The following ITSN1 variants were observed in gnomAD, a reference collection of about 807,000 sequenced individuals.
ITSN1 encodes intersectin-1.
A neutral mutation model predicts 239.8 loss-of-function variants in ITSN1; 58 were observed. The observed-to-expected ratio is 0.24, with a 90% confidence interval of 0.20 to 0.30. The LOEUF is 0.30. Among genes scored for constraint, ITSN1 ranks in the 10% least tolerant of loss-of-function variants. The probability of loss-of-function intolerance (pLI) is 1.00; values close to 1 mark genes in which losing one functional copy is unlikely to be tolerated. For synonymous variants in ITSN1, 780 were observed against 770.8 expected, an observed-to-expected ratio of 1.01 and a Z score of -0.20; for missense variants, 1,558 against 2,103.3, an observed-to-expected ratio of 0.74 and a Z score of 5.07.
chr21:33,827,323 C>G (rs1394919207), intron 26 of ITSN1, among the ~76,000 whole-genome samples: 2 of 152,076 alleles, frequency 1.3e-5, no homozygotes. Context: ...TCACTTGAAC[C>G]CGGGAGGCCA....
rs1225877283 is a variant in ITSN1 at position 33,882,217 on chromosome 21, C to CT, written c.4342-23dup. ...GATGCGGAGAAACAAAAATGCTACA[C>CT]TTTGGGTTTTGTTTTCCTTTCTCAG... On this transcript the variant is annotated intron_variant, in intron 34 of 39. Coordinates refer to ENST00000381318, the MANE Select transcript of ITSN1 (RefSeq NM_003024.3). This position sits in a 1 kb window ranked among gnomAD's most constrained non-coding sequence, Gnocchi z 4.5. 4 of 1,604,808 alleles carry CT rather than the reference C, an allele frequency of 2.5e-6. No individual in the cohort carries two copies. The highest frequency in any genetic ancestry group is 2.6e-6 in the Non-Finnish European group (3 of 1,173,466).
rs142260096 is a variant in ITSN1 at position 33,808,327 on chromosome 21, G to C, written c.2320-2648G>C. ...TGGCCTGGCACGGTGGCTCACGCCT[G>C]TAATCCCAGAACTTTGGGAGGCCTA... is the stretch of plus-strand genomic sequence containing the variant. On this transcript the variant is annotated intron_variant, in intron 20 of 39. Transcript: ENST00000381318. Among the ~76,000 whole-genome samples, 1,090 of 152,294 alleles carry C rather than the reference G, an allele frequency of 7.2e-3. 13 individuals are homozygous for C. The highest frequency in any genetic ancestry group is 0.025 in the African/African-American group (1,042 of 41,566).
chr21:33,690,738 G>A (rs2091470433), intron 1 of ITSN1, among the ~76,000 whole-genome samples: 3 of 122,000 alleles, frequency 2.5e-5, no homozygotes, highest in Non-Finnish European at 3.3e-5. Context: ...TCCAGCCTGG[G>A]CAACAGAGCA....
intron 33 of ITSN1, among the ~76,000 whole-genome samples, chr21:33,874,578 A>T (rs1489250217): frequency 2.0e-5 from 3 of 151,824 alleles, no homozygotes; most frequent in Non-Finnish European, 2.9e-5. Context: ...TGGGCCTGGG[A>T]TGCCTGGGCT....
intron 1 of ITSN1, among the ~76,000 whole-genome samples, chr21:33,653,972 G>T (rs1361695504): frequency 2.0e-5 from 3 of 151,986 alleles, no homozygotes; most frequent in Admixed American, 1.3e-4. Context: ...TATTGGCATG[G>T]AACTTCTAAA....
chr21:33,725,044 A>G (rs1356815808), intron 4 of ITSN1, among the ~76,000 whole-genome samples: 1 of 148,444 alleles, frequency 6.7e-6, no homozygotes, highest in African/African-American at 2.5e-5. Flanking sequence ...CCAAGGTGGG[A>G]GCATCGCTTG....
chr21:33,739,263 A>G (rs1266349230), intron 5 of ITSN1, among the ~76,000 whole-genome samples: 1 of 152,208 alleles, frequency 6.6e-6, no homozygotes, highest in Non-Finnish European at 1.5e-5. Flanking sequence ...ATTGTAGGAA[A>G]TTCTATGGGT....
intron 8 of ITSN1, 140 bp downstream of exon 8, chr21:33,755,537 T>C (rs976201133): frequency 4.3e-5 from 25 of 582,580 alleles, no homozygotes; most frequent in Non-Finnish European, 6.9e-5. Context: ...TCTCATGTTC[T>C]TATCCACTGA....
Position 33,883,645 on chromosome 21 carries a change from T to C in ITSN1, c.4650T>C (p.Thr1550=). The C allele has an allele frequency of 6.2e-7, 1 of 1,613,488 alleles. No homozygotes were observed. The highest frequency in any genetic ancestry group is 8.5e-7 in the Non-Finnish European group (1 of 1,179,628). Reference sequence around the variant, plus strand: ...TCTCCCACATTGACCGCGTCTATACTCTCCGAGCAGAAAGCATAAATGAAA... The same window carrying C: ...TCTCCCACATTGACCGCGTCTATACCCTCCGAGCAGAAAGCATAAATGAAA... ...FHISHIDRVY[T]LRAESINERT... Residue 1550 remains threonine (T), a synonymous_variant, in exon 36 of 40, where the codon ACT becomes ACC. Coordinates refer to ENST00000381318, the MANE Select transcript of ITSN1 (RefSeq NM_003024.3).
chr21:33,855,104 AG>A (rs1433756842), intron 29 of ITSN1, among the ~76,000 whole-genome samples: 1 of 152,210 alleles, frequency 6.6e-6, no homozygotes, highest in Non-Finnish European at 1.5e-5. Flanking sequence ...AATTTGCAGA[AG>A]CTTTCAGCAT....
chr21:33,722,257 G>A (rs935558442), intron 3 of ITSN1, among the ~76,000 whole-genome samples: 4 of 152,140 alleles, frequency 2.6e-5, no homozygotes, highest in Non-Finnish European at 1.5e-5. Flanking sequence ...TGAAAGTATG[G>A]GTCATCAGTT....
At chr21:33,875,737 G>A (rs1010687744) in intron 34 of ITSN1, among the ~76,000 whole-genome samples, 2 of 152,206 alleles carry the variant, frequency 1.3e-5, no homozygotes, top group African/African-American at 4.8e-5. Context: ...TTGGAGTGCA[G>A]TGGCACCATC....
intron 1 of ITSN1, among the ~76,000 whole-genome samples, chr21:33,686,089 C>T (rs1248131638): frequency 6.6e-6 from 1 of 152,120 alleles, no homozygotes; most frequent in Non-Finnish European, 1.5e-5. Context: ...CTGTGGTATG[C>T]TCAAAGTGCT....
In ITSN1 at chr21:33,750,279, G is replaced by A. The variant is rs760779193; in HGVS notation, c.483G>A (p.Gly161=). 5 of 1,613,792 alleles carry A rather than the reference G, an allele frequency of 3.1e-6. No homozygotes were observed. The Admixed American group carries it at 8.3e-5, about 27-fold the overall frequency. ...CAGCTGTGCCCCCCCTGGCTAACGG[G>A]GCTCCCCCTGTTATACAACCTCTGC... is the stretch of plus-strand genomic sequence containing the variant. ...PTAAVPPLAN[G]APPVIQPLPA... is the part of the protein sequence containing the mutation. Residue 161 remains glycine (G), a synonymous_variant, in exon 6 of 40, where the codon GGG becomes GGA. Coordinates refer to ENST00000381318, the MANE Select transcript of ITSN1 (RefSeq NM_003024.3).
chr21:33,742,213 C>T lies in ITSN1; in HGVS notation c.346+7009C>T, dbSNP rs564191027. 1.1e-4 allele frequency among the ~76,000 whole-genome samples: 16 copies of T among 152,068 alleles called. No individual in the cohort carries two copies. The South Asian group carries it at 2.1e-3, about 20-fold the overall frequency. On this transcript the variant is annotated intron_variant, in intron 5 of 39. Transcript: ENST00000381318. ...CTGGGATTACAGGCATGTGCCACCA[C>T]GCCTGGCTAATTTTTGTATTTTTAG...
intron 1 of ITSN1, among the ~76,000 whole-genome samples, chr21:33,678,443 G>A (rs1268175196): frequency 1.3e-5 from 2 of 152,128 alleles, no homozygotes; most frequent in Non-Finnish European, 2.9e-5. Flanking sequence ...ACTCTGTTTT[G>A]TTCACTTCTG....
chr21:33,679,670 C>CT (rs1476734447), intron 1 of ITSN1, among the ~76,000 whole-genome samples: 3 of 140,706 alleles, frequency 2.1e-5, no homozygotes, highest in Admixed American at 7.1e-5. Flanking sequence ...GCAGTCCTCC[C>CT]TTTTTTGTGT....
chr21:33,829,953 T>C (rs2074195927), intron 27 of ITSN1, among the ~76,000 whole-genome samples: 1 of 152,206 alleles, frequency 6.6e-6, no homozygotes, highest in Admixed American at 6.5e-5. Context: ...TAGGAGCGCA[T>C]ACGAAAACAT....
intron 29 of ITSN1, among the ~76,000 whole-genome samples, chr21:33,851,414 T>C (rs934793337): frequency 4.6e-5 from 7 of 152,080 alleles, no homozygotes; most frequent in Non-Finnish European, 1.0e-4. Context: ...TTCTTTTTTT[T>C]TTGAGACAGA....
Sources: gnomAD v4.1 joint callset for allele counts (sites outside exome capture counted in the v4.1 genomes callset) on GRCh38, gnomAD v4.1.1 for gene constraint, Gnocchi (gnomAD v3.1) non-coding constraint, MANE v1.5 for transcripts, NCBI Gene and HGNC (gene_info 2026-07-23, HGNC 2026-07-21) for gene names.